The following SIRT5 variants were observed in gnomAD, a reference collection of about 807,000 sequenced individuals.
SIRT5 encodes sirtuin 5.
A neutral mutation model predicts 40.0 loss-of-function variants in SIRT5; 26 were observed. The ratio of observed to expected loss-of-function variants is 0.65; its 90% CI spans 0.48 to 0.90. The LOEUF (loss-of-function observed/expected upper bound fraction) is 0.90, where lower values mean the gene tolerates loss of function less well. Ranked by LOEUF, SIRT5 falls within the 40% of genes least tolerant of loss-of-function variation. SIRT5 has a pLI of 0.00. For missense variants in SIRT5, 401 were observed against 402.4 expected (o/e 1.00, Z 0.03); for synonymous variants, 146 against 149.1 (o/e 0.98, Z 0.15).
rs547700926 is a variant in SIRT5 at position 13,601,975 on chromosome 6, T to C, written c.857+1026T>C. ...AGCTACAGCCTGTGTTCTTGATCCA[T>C]AGTTCTTCATCTGTGTGTGAGTAGT... On this transcript the variant is annotated intron_variant, in intron 9 of 9. Coordinates refer to ENST00000606117, the MANE Select transcript of SIRT5 (RefSeq NM_012241.5). Among the ~76,000 whole-genome samples, 5 of 152,342 alleles carry C rather than the reference T, an allele frequency of 3.3e-5. No homozygotes were observed. The East Asian group carries it at 9.6e-4, about 29-fold the overall frequency.
intron 3 of SIRT5, among the ~76,000 whole-genome samples, chr6:13,586,411 A>C (rs551701696): frequency 1.8e-4 from 27 of 151,956 alleles, no homozygotes; most frequent in Non-Finnish European, 2.9e-4. Context: ...ATCTTGAGTT[A>C]ATTTTTGTCT....
At chr6:13,610,189 T>C (rs1763649531) in intron 9 of SIRT5, among the ~76,000 whole-genome samples, 1 of 152,198 alleles carries the variant, frequency 6.6e-6, no homozygotes, top group Non-Finnish European at 1.5e-5. Context: ...CAGACTGGTC[T>C]TGAACTCCTA....
chr6:13,583,163 G>C (rs889918148), intron 2 of SIRT5, among the ~76,000 whole-genome samples: 5 of 151,962 alleles, frequency 3.3e-5, no homozygotes, highest in Non-Finnish European at 5.9e-5. Context: ...CCGTGATCAC[G>C]CCACTGCACT....
chr6:13,611,278 T>C (rs1378451049), intron 9 of SIRT5, among the ~76,000 whole-genome samples: 1 of 148,144 alleles, frequency 6.8e-6, no homozygotes, highest in Non-Finnish European at 1.5e-5. Flanking sequence ...CACACACATA[T>C]ATACACAAAA....
intron 9 of SIRT5, chr6:13,604,592 A>G (rs1762856311): frequency 2.6e-6 from 4 of 1,546,258 alleles, no homozygotes; most frequent in Non-Finnish European, 3.5e-6. Flanking sequence ...GAGTATTTCC[A>G]CAACCCAAGT....
chr6:13,580,675 C>A (rs1759228062), intron 2 of SIRT5, among the ~76,000 whole-genome samples: 1 of 152,120 alleles, frequency 6.6e-6, no homozygotes. Context: ...CCTGCTCTGG[C>A]CTTCTCTCCT....
At chr6:13,602,633 C>T (rs191013692) in intron 9 of SIRT5, among the ~76,000 whole-genome samples, 11 of 152,048 alleles carry the variant, frequency 7.2e-5, no homozygotes, top group Admixed American at 2.0e-4. Context: ...AACAATAAAA[C>T]AAACCTCACA....
intron 9 of SIRT5, chr6:13,605,662 C>T (rs150746551): frequency 2.0e-6 from 2 of 985,456 alleles, no homozygotes; most frequent in African/African-American, 3.5e-5. Flanking sequence ...TCGTTTTCCC[C>T]ATGTCCGATG....
intron 4 of SIRT5, 98 bp downstream of exon 4, chr6:13,588,562 T>C (rs751444398): frequency 7.1e-7 from 1 of 1,408,986 alleles, no homozygotes; most frequent in Non-Finnish European, 9.5e-7. Flanking sequence ...CCCAGGGAAA[T>C]GGTTTTTAAG....
intron 6 of SIRT5, among the ~76,000 whole-genome samples, chr6:13,596,592 T>C (rs1342055813): frequency 6.6e-6 from 1 of 152,018 alleles, no homozygotes; most frequent in African/African-American, 2.4e-5. Flanking sequence ...GCTCGAGCAA[T>C]CCTCCTGCCT....
intron 2 of SIRT5, among the ~76,000 whole-genome samples, chr6:13,581,562 A>G (rs569922011): frequency 6.6e-6 from 1 of 152,338 alleles, no homozygotes; most frequent in East Asian, 1.9e-4. Context: ...ATTGGATAAC[A>G]CTTTTAAAGA....
chr6:13,587,222 C>T (rs1760194628), intron 3 of SIRT5, among the ~76,000 whole-genome samples: 2 of 152,208 alleles, frequency 1.3e-5, no homozygotes, highest in Non-Finnish European at 2.9e-5. Context: ...GCACTCGCTT[C>T]TCCAGGGGGA....
rs1236973726 is a variant in SIRT5, at chr6:13,591,823, T to G, written c.404T>G (p.Val135Gly). 6.2e-7 allele frequency: 1 copy of G among 1,613,808 alleles called. No homozygotes were observed. Among genetic ancestry groups the G allele is most frequent in the Non-Finnish European group, 8.5e-7 (1 of 1,179,924 alleles). ...CGGCTGGGCAAGCAGGGCCGGCGAG[T>G]CGTGGTCATCACCCAGAACATCGAT... ...ETRLGKQGRRVVVITQNIDEL... is the reference protein window; with the variant it reads ...ETRLGKQGRRGVVITQNIDEL... Residue 135 changes from valine to glycine, a missense_variant, in exon 5 of 10, where the codon GTC becomes GGC. Physicochemically the swap from Val to Gly is moderately radical, Grantham distance 109. Coordinates refer to ENST00000606117, the MANE Select transcript of SIRT5 (RefSeq NM_012241.5).
intron 9 of SIRT5, 134 bp downstream of exon 9, chr6:13,601,083 G>A: frequency 1.6e-6 from 1 of 620,316 alleles, no homozygotes; most frequent in Admixed American, 3.3e-5. Flanking sequence ...ATCTGCAGTT[G>A]CTTTTATGGA....
At chr6:13,596,116 G>T (rs1485461401) in intron 6 of SIRT5, among the ~76,000 whole-genome samples, 1 of 152,214 alleles carries the variant, frequency 6.6e-6, no homozygotes, top group Non-Finnish European at 1.5e-5. Context: ...ATGAGTTCGT[G>T]TATCTGTATA....
chr6:13,586,766 C>CA (rs1341771004), intron 3 of SIRT5, among the ~76,000 whole-genome samples: 1 of 152,144 alleles, frequency 6.6e-6, no homozygotes, highest in Non-Finnish European at 1.5e-5. Context: ...CTAGGCTGGG[C>CA]ATAGTGTGTG....
At chr6:13,604,531 T>A in intron 9 of SIRT5, 1 of 1,578,572 alleles carries the variant, frequency 6.3e-7, no homozygotes, top group Non-Finnish European at 8.6e-7. Context: ...CAAGTCATCA[T>A]TGTAGAAAAG....
At chr6:13,610,913 CTATTTT>C (rs2127743096) in intron 9 of SIRT5, among the ~76,000 whole-genome samples, 1 of 152,244 alleles carries the variant, frequency 6.6e-6, no homozygotes, top group African/African-American at 2.4e-5. Context: ...AATGCCTTTT[CTATTTT>C]TAATTGTGCT....
At chr6:13,597,326 C>A (rs1468395575) in intron 7 of SIRT5, among the ~76,000 whole-genome samples, 5 of 150,962 alleles carry the variant, frequency 3.3e-5, no homozygotes, top group African/African-American at 1.2e-4. Flanking sequence ...AGGGGCTGAC[C>A]TGTAACTGGT....
Sources: allele counts gnomAD v4.1 joint callset (sites outside exome capture counted in the v4.1 genomes callset), GRCh38; gene constraint gnomAD v4.1.1; transcripts MANE v1.5; gene names NCBI Gene and HGNC (gene_info 2026-07-23, HGNC 2026-07-21).